KCNB2: variants seen among roughly 807,000 people sequenced by gnomAD.
The protein encoded by KCNB2 is delayed rectifier potassium channel protein.
KCNB2 carries 15 observed loss-of-function variants against 61.5 expected under a neutral mutation model. That is an observed-to-expected ratio of 0.24 (90% CI 0.16 to 0.38). KCNB2 has a LOEUF of 0.38. Ranked by LOEUF, KCNB2 falls within the 10% of genes least tolerant of loss-of-function variation. KCNB2 has a pLI of 1.00. For synonymous variants in KCNB2, 457 were observed against 446.0 expected (o/e 1.02, Z -0.31); for missense variants, 828 against 1,125.2 (o/e 0.74, Z 3.78).
At chr8:72,786,965 G>A (rs376613316) in intron 2 of KCNB2, among the ~76,000 whole-genome samples, 24 of 152,176 alleles carry the variant, frequency 1.6e-4, no homozygotes, top group South Asian at 2.1e-4. Context: ...TCAATGCCTA[G>A]AGCTCTTATT....
chr8:72,918,951 C>T (rs1328772399), intron 2 of KCNB2, among the ~76,000 whole-genome samples: 1 of 152,148 alleles, frequency 6.6e-6, no homozygotes, highest in Admixed American at 6.5e-5. Context: ...GCTCAGTGAC[C>T]AACTCTGCAA....
chr8:72,590,030 T>C (rs1465114949), intron 2 of KCNB2, among the ~76,000 whole-genome samples: 1 of 152,200 alleles, frequency 6.6e-6, no homozygotes, highest in Non-Finnish European at 1.5e-5. Flanking sequence ...CAAATTTCAC[T>C]GACGTATAGT....
At chr8:72,909,574 A>T (rs750574) in intron 2 of KCNB2, among the ~76,000 whole-genome samples, 6 of 151,952 alleles carry the variant, frequency 3.9e-5, no homozygotes, top group Non-Finnish European at 7.4e-5. Flanking sequence ...TATTAAAGAG[A>T]TGATGGTTAC....
chr8:72,608,373 G>A (rs1323775718), intron 2 of KCNB2, among the ~76,000 whole-genome samples: 2 of 152,084 alleles, frequency 1.3e-5, no homozygotes, highest in Non-Finnish European at 2.9e-5. Flanking sequence ...TTAAAACAGA[G>A]GTATTATGCT....
intron 2 of KCNB2, among the ~76,000 whole-genome samples, chr8:72,696,429 G>T (rs1466127549): frequency 6.6e-6 from 1 of 152,124 alleles, no homozygotes; most frequent in Non-Finnish European, 1.5e-5. Context: ...CCTTTCTCCA[G>T]AAAAATATAA....
At chr8:72,857,172 A>G (rs750860973) in intron 2 of KCNB2, among the ~76,000 whole-genome samples, 1 of 152,214 alleles carries the variant, frequency 6.6e-6, no homozygotes, top group Non-Finnish European at 1.5e-5. Flanking sequence ...TTTCAGGTAC[A>G]TGAGCCTCTT....
intron 2 of KCNB2, among the ~76,000 whole-genome samples, chr8:72,810,179 G>T (rs73296099): frequency 0.11 from 16,098 of 152,186 alleles, 1,123 homozygotes; most frequent in East Asian, 0.39. Context: ...ATCCAGTCAG[G>T]CTGAAGGAAC....
chr8:72,667,662 A>G (rs1051234232), intron 2 of KCNB2, among the ~76,000 whole-genome samples: 10 of 151,874 alleles, frequency 6.6e-5, no homozygotes, highest in Admixed American at 2.0e-4. Flanking sequence ...TATCTTCACT[A>G]ACCTCCCTCA....
intron 2 of KCNB2, among the ~76,000 whole-genome samples, chr8:72,639,310 C>T (rs953019736): frequency 7.2e-5 from 11 of 152,108 alleles, no homozygotes; most frequent in Non-Finnish European, 8.8e-5. Context: ...ACCAGCAGGA[C>T]GCCTATTGAT....
At chr8:72,548,532 C>T (rs1806296096) in intron 1 of KCNB2, among the ~76,000 whole-genome samples, 1 of 152,198 alleles carries the variant, frequency 6.6e-6, no homozygotes, top group Non-Finnish European at 1.5e-5. Flanking sequence ...CCATTACTCT[C>T]CATGACCACA....
chr8:72,885,412 A>G (rs548514299), intron 2 of KCNB2, among the ~76,000 whole-genome samples: 2 of 152,304 alleles, frequency 1.3e-5, no homozygotes, highest in Admixed American at 6.5e-5. Flanking sequence ...AGCATCACAT[A>G]TAAAAGCATC....
intron 2 of KCNB2, among the ~76,000 whole-genome samples, chr8:72,766,613 T>C (rs1041585506): frequency 2.6e-5 from 4 of 152,208 alleles, no homozygotes; most frequent in African/African-American, 9.6e-5. Flanking sequence ...CCCCATAAAA[T>C]TGTGTGTATG....
chr8:72,729,654 C>T (rs1009150987), intron 2 of KCNB2, among the ~76,000 whole-genome samples: 4 of 152,268 alleles, frequency 2.6e-5, no homozygotes, highest in African/African-American at 7.2e-5. Context: ...GAGGCCAACA[C>T]GGGTGGATCA....
intron 2 of KCNB2, among the ~76,000 whole-genome samples, chr8:72,754,606 A>G (rs1808254068): frequency 6.6e-6 from 1 of 152,244 alleles, no homozygotes; most frequent in African/African-American, 2.4e-5. Context: ...GCTATCCAGA[A>G]GACAGAAAAT....
At chr8:72,689,417 C>T (rs1038548822) in intron 2 of KCNB2, among the ~76,000 whole-genome samples, 4 of 152,160 alleles carry the variant, frequency 2.6e-5, no homozygotes, top group African/African-American at 9.7e-5. Context: ...ATTTACAAAT[C>T]ATAAAATTCA....
At chr8:72,701,359 G>A (rs1437078353) in intron 2 of KCNB2, among the ~76,000 whole-genome samples, 1 of 152,162 alleles carries the variant, frequency 6.6e-6, no homozygotes. Context: ...TAATAGTCAA[G>A]AAATTAACCA....
chr8:72,722,324 A>G (rs1227546895), intron 2 of KCNB2, among the ~76,000 whole-genome samples: 1 of 152,166 alleles, frequency 6.6e-6, no homozygotes, highest in Non-Finnish European at 1.5e-5. Flanking sequence ...AAATGGTTGG[A>G]TGGCTTCTCA....
chr8:72,594,728 T>C (rs1330583123), intron 2 of KCNB2, among the ~76,000 whole-genome samples: 1 of 152,140 alleles, frequency 6.6e-6, no homozygotes, highest in Non-Finnish European at 1.5e-5. Flanking sequence ...AGAGTACAGA[T>C]GCCCCTCATC....
At chr8:72,666,913 T>C (rs1806482522) in intron 2 of KCNB2, among the ~76,000 whole-genome samples, 1 of 152,122 alleles carries the variant, frequency 6.6e-6, no homozygotes, top group Admixed American at 6.6e-5. Flanking sequence ...TTTCTACTTA[T>C]AACACTGAAG....
Sources: allele counts gnomAD v4.1 joint callset (sites outside exome capture counted in the v4.1 genomes callset), GRCh38; gene constraint gnomAD v4.1.1; transcripts MANE v1.5; gene names NCBI Gene and HGNC (gene_info 2026-07-23, HGNC 2026-07-21).